Variants in RYK observed in about 807,000 individuals in gnomAD.
RYK encodes inactive tyrosine-protein kinase RYK.
In RYK, 21 loss-of-function variants were observed where a neutral mutation model predicts 70.2. The observed-to-expected ratio is 0.30, with a 90% CI of 0.21 to 0.43. The LOEUF is 0.43. Among genes scored for constraint, RYK ranks in the 20% least tolerant of loss-of-function variants. RYK has a pLI of 1.00. For missense variants in RYK, 604 were observed against 753.3 expected (o/e 0.80, Z 2.32); for synonymous variants, 267 against 278.0 (o/e 0.96, Z 0.39).
chr3:134,191,896 A>G lies in RYK; in HGVS notation c.968T>C (p.Ile323Thr). ...AGTTATCCTCTCTCTGGATATTGCT[A>G]TATCCTTCACCTTGCCTTTGGCCTC... ...LLEAKGKVKD[I>T]AISRERITLK... Residue 323 changes from isoleucine to threonine, a missense_variant, in exon 8 of 15, where the codon ATA (isoleucine) becomes ACA (threonine). Ile to Thr is a moderately conservative substitution (Grantham distance 89). Transcript: ENST00000623711. 1.2e-6 allele frequency: 2 copies of G among 1,612,976 alleles called. No individual in the cohort carries two copies. The highest frequency in any genetic ancestry group is 4.5e-5 in the East Asian group (2 of 44,846).
At chr3:134,221,145 A>G (rs780662784) in intron 2 of RYK, among the ~76,000 whole-genome samples, 10 of 151,240 alleles carry the variant, frequency 6.6e-5, no homozygotes, top group Non-Finnish European at 1.2e-4. Context: ...ATACCAAACT[A>G]TAAACAATTA....
At chr3:134,206,308 T>C (rs1021744628) in intron 5 of RYK, among the ~76,000 whole-genome samples, 2 of 152,178 alleles carry the variant, frequency 1.3e-5, no homozygotes, top group African/African-American at 2.4e-5. Context: ...GTGCAAAATC[T>C]ATCTGCCAGT....
At chr3:134,205,577 T>C (rs1002896310) in intron 5 of RYK, among the ~76,000 whole-genome samples, 10 of 152,226 alleles carry the variant, frequency 6.6e-5, no homozygotes, top group African/African-American at 1.9e-4. Flanking sequence ...GATACGGCTC[T>C]GCTGGGCAGA....
At chr3:134,212,243 G>C (rs1401704640) in intron 2 of RYK, among the ~76,000 whole-genome samples, 1 of 152,200 alleles carries the variant, frequency 6.6e-6, no homozygotes, top group Non-Finnish European at 1.5e-5. Flanking sequence ...AAACACCAAT[G>C]TTATCTATCA....
Position 134,244,114 on chromosome 3 carries a change from T to C in RYK, c.232+6309A>G, listed in dbSNP as rs184350251. Among the ~76,000 whole-genome samples, 22 of 152,336 alleles carry C rather than the reference T, an allele frequency of 1.4e-4. No individual in the cohort carries two copies. In the East Asian group the frequency reaches 3.9e-3, roughly 27 times the overall value. On this transcript the variant is annotated intron_variant, in intron 1 of 14. Coordinates refer to ENST00000623711, the MANE Select transcript of RYK (RefSeq NM_002958.4). ...AAGCAAGTTATCCAAAGTTAATTTCTAACTGGTGGGAGATGGGGCCTCTTC... is the reference window on the plus strand; with the variant it reads ...AAGCAAGTTATCCAAAGTTAATTTCCAACTGGTGGGAGATGGGGCCTCTTC...
intron 1 of RYK, among the ~76,000 whole-genome samples, chr3:134,237,262 A>G (rs2015219510): frequency 6.6e-6 from 1 of 152,190 alleles, no homozygotes; most frequent in African/African-American, 2.4e-5. Context: ...AGCTGTACAT[A>G]TGGTTCATTC....
At chr3:134,170,265 G>T (rs934356319) in intron 13 of RYK, among the ~76,000 whole-genome samples, 10 of 152,146 alleles carry the variant, frequency 6.6e-5, no homozygotes, top group Admixed American at 2.6e-4. Flanking sequence ...AATGCAAATC[G>T]GAGGATATTG....
intron 9 of RYK, among the ~76,000 whole-genome samples, chr3:134,187,120 T>G (rs937436800): frequency 6.6e-6 from 1 of 152,190 alleles, no homozygotes; most frequent in Non-Finnish European, 1.5e-5. Context: ...TTGAATGATA[T>G]AGTAAATTAA....
chr3:134,221,209 T>C (rs945668556), intron 2 of RYK, among the ~76,000 whole-genome samples: 1 of 129,284 alleles, frequency 7.7e-6, no homozygotes, highest in Non-Finnish European at 1.7e-5. Context: ...TTTTTTTTTT[T>C]TTTTTTTTTT....
chr3:134,163,416 A>G (rs1345693923), intron 13 of RYK, among the ~76,000 whole-genome samples: 1 of 152,226 alleles, frequency 6.6e-6, no homozygotes, highest in Non-Finnish European at 1.5e-5. Flanking sequence ...TGTTCTTTCC[A>G]GAGTTTTACG....
At chr3:134,216,792 CAAAAAAAAAAAAAAAAA>C (rs61441674) in intron 2 of RYK, among the ~76,000 whole-genome samples, 4 of 37,426 alleles carry the variant, frequency 1.1e-4, no homozygotes, top group Non-Finnish European at 1.8e-4. Flanking sequence ...GACTCTGTCT[CAAAAAAAAAAAAAAAAA>C]AAAAAAAAAA....
At chr3:134,203,466 C>T (rs2014094917) in intron 5 of RYK, among the ~76,000 whole-genome samples, 1 of 151,960 alleles carries the variant, frequency 6.6e-6, no homozygotes, top group Admixed American at 6.6e-5. Flanking sequence ...GTCTATGGGA[C>T]AAATGGTATA....
At chr3:134,180,483 T>A (rs2013259664) in intron 10 of RYK, 1 of 152,194 alleles carries the variant, frequency 6.6e-6, no homozygotes, top group Non-Finnish European at 1.5e-5. Flanking sequence ...AGGTGTCTTT[T>A]CTTGCTGAAT....
chr3:134,179,536 GT>G (rs1268830829), intron 10 of RYK: 1 of 152,226 alleles, frequency 6.6e-6, no homozygotes, highest in Non-Finnish European at 1.5e-5. Context: ...GGGAGAGAAA[GT>G]TTAGGTAACC....
chr3:134,205,464 C>A (rs924255058), intron 5 of RYK, among the ~76,000 whole-genome samples: 1 of 152,158 alleles, frequency 6.6e-6, no homozygotes, highest in African/African-American at 2.4e-5. Context: ...TTACCTTATG[C>A]CACAGGAAAG....
intron 1 of RYK, 95 bp from the exon 2 acceptor site, chr3:134,222,634 T>G (rs1283102259): frequency 1.8e-6 from 2 of 1,104,178 alleles, no homozygotes; most frequent in Non-Finnish European, 2.6e-6. Context: ...GAAGATAATA[T>G]TGATAAGCAA....
intron 1 of RYK, among the ~76,000 whole-genome samples, chr3:134,227,841 GTTTTTGTA>G (rs2014952319): frequency 6.6e-6 from 1 of 151,910 alleles, no homozygotes; most frequent in South Asian, 2.1e-4. Context: ...AGCTAATTTT[GTTTTTGTA>G]TTTTTAGTAG....
chr3:134,228,403 G>A (rs2014966677), intron 1 of RYK, among the ~76,000 whole-genome samples: 1 of 152,192 alleles, frequency 6.6e-6, no homozygotes, highest in Non-Finnish European at 1.5e-5. Flanking sequence ...CATGTTTACT[G>A]TAGCACTATT....
At chr3:134,222,300 T>G in intron 2 of RYK, 118 bp downstream of exon 2, 1 of 1,034,666 alleles carries the variant, frequency 9.7e-7, no homozygotes, top group Non-Finnish European at 1.5e-6. Flanking sequence ...CTCAGTACTA[T>G]TATATCACAT....
Sources: gnomAD v4.1 joint callset for allele counts (sites outside exome capture counted in the v4.1 genomes callset) on GRCh38, gnomAD v4.1.1 for gene constraint, MANE v1.5 for transcripts, NCBI Gene and HGNC (gene_info 2026-07-23, HGNC 2026-07-21) for gene names.